The following DPP10 variants were observed in gnomAD, a reference collection of about 807,000 sequenced individuals.
DPP10 encodes dipeptidyl peptidase like 10.
In DPP10, 33 loss-of-function variants were observed where a neutral mutation model predicts 120.9. The ratio of observed to expected loss-of-function variants is 0.27; its 90% CI spans 0.21 to 0.37. DPP10 has a LOEUF of 0.37. Ranked by LOEUF, DPP10 falls within the 10% of genes least tolerant of loss-of-function variation. The probability of loss-of-function intolerance (pLI) is 1.00; values close to 1 mark genes in which losing one functional copy is unlikely to be tolerated. For missense variants in DPP10, 816 were observed against 942.8 expected, an observed-to-expected ratio of 0.87 and a Z score of 1.76; for synonymous variants, 337 against 326.1, an observed-to-expected ratio of 1.03 and a Z score of -0.36.
At chr2:114,831,454 A>G (rs977208503) in intron 1 of DPP10, among the ~76,000 whole-genome samples, 1 of 152,162 alleles carries the variant, frequency 6.6e-6, no homozygotes, top group African/African-American at 2.4e-5. Flanking sequence ...TGGAAAGCAA[A>G]TAACTGTGAT....
At chr2:115,209,857 G>A (rs759666417) in intron 1 of DPP10, among the ~76,000 whole-genome samples, 76 of 152,188 alleles carry the variant, frequency 5.0e-4, no homozygotes, top group South Asian at 1.5e-3. Flanking sequence ...CTATCACAAT[G>A]ATAGTAACAA....
intron 1 of DPP10, among the ~76,000 whole-genome samples, chr2:114,547,550 A>G (rs1179206904): frequency 2.6e-5 from 4 of 152,152 alleles, no homozygotes; most frequent in African/African-American, 4.8e-5. Flanking sequence ...AACTCTAGGA[A>G]TGTTCCTTAG....
intron 1 of DPP10, among the ~76,000 whole-genome samples, chr2:115,105,069 G>T (rs559799025): frequency 6.6e-6 from 1 of 152,004 alleles, no homozygotes; most frequent in South Asian, 2.1e-4. Context: ...TTTCCCCATG[G>T]TTACAAGGAA....
rs1417299144 is a variant in DPP10, at chr2:115,815,738, T to G, written c.1950+9T>G. The G allele has an allele frequency of 1.9e-6, 3 of 1,592,058 alleles. No homozygotes were observed. On this transcript the variant is annotated intron_variant, in intron 21 of 25. Coordinates refer to ENST00000410059, the MANE Select transcript of DPP10 (RefSeq NM_020868.6). ...TAAGCATTTTTGGAAAGGTAAATAGTAGAAATGCTGAATCTATCTTTTTAT... is the reference window on the plus strand; with the variant it reads ...TAAGCATTTTTGGAAAGGTAAATAGGAGAAATGCTGAATCTATCTTTTTAT...
chr2:115,499,536 A>G lies in DPP10; in HGVS notation c.298A>G (p.Asn100Asp). The G allele has an allele frequency of 6.2e-7, 1 of 1,612,016 alleles. No individual in the cohort carries two copies. Among genetic ancestry groups the G allele is most frequent in the South Asian group, 1.1e-5 (1 of 90,966 alleles). The part of the protein sequence containing the change: ...NDTDVVYKSE[N>D]GHVIKLNIET... Reference sequence around the variant, plus strand: ...TACAGATGTGGTGTATAAAAGCGAGAATGGACATGTCATTAAACTGAATAT... The same window carrying G: ...TACAGATGTGGTGTATAAAAGCGAGGATGGACATGTCATTAAACTGAATAT... The change falls in exon 4 of 26, where the codon AAT becomes GAT. Residue 100 changes from asparagine (N) to aspartate (D), a missense_variant. Asn to Asp is a conservative substitution (Grantham distance 23, BLOSUM62 1). This residue lies in a region of DPP10 where 182 missense variants were observed against 207.4 expected (regional missense o/e 0.88). Coordinates refer to ENST00000410059, the MANE Select transcript of DPP10 (RefSeq NM_020868.6).
chr2:114,894,147 T>A (rs1395230467), intron 1 of DPP10, among the ~76,000 whole-genome samples: 1 of 152,166 alleles, frequency 6.6e-6, no homozygotes. Context: ...ATGTGGCAAG[T>A]TTTTCTTGCA....
intron 3 of DPP10, among the ~76,000 whole-genome samples, chr2:115,373,716 A>G (rs146912673): frequency 5.9e-5 from 9 of 152,120 alleles, no homozygotes; most frequent in African/African-American, 2.2e-4. Flanking sequence ...ATCCATTCTC[A>G]TGTTGCTACA....
At chr2:115,259,928 G>A (rs115444807) in intron 1 of DPP10, among the ~76,000 whole-genome samples, 8,362 of 151,612 alleles carry the variant, frequency 0.055, 309 homozygotes, top group Middle Eastern at 0.1. Context: ...TCTAATAGTC[G>A]TTATAGGTCA....
intron 1 of DPP10, among the ~76,000 whole-genome samples, chr2:114,563,116 G>A (rs1156305495): frequency 1.3e-5 from 2 of 152,212 alleles, no homozygotes; most frequent in Admixed American, 6.5e-5. Context: ...GCTCACGCCT[G>A]TAATCCCAGT....
intron 1 of DPP10, among the ~76,000 whole-genome samples, chr2:115,207,655 CAGTG>C (rs2056239090): frequency 6.6e-6 from 1 of 152,108 alleles, no homozygotes; most frequent in African/African-American, 2.4e-5. Flanking sequence ...GAGGGAAACT[CAGTG>C]AGACTAGAGC....
intron 3 of DPP10, among the ~76,000 whole-genome samples, chr2:115,428,182 G>C (rs843398): frequency 0.63 from 95,252 of 152,040 alleles, 30,639 homozygotes; most frequent in Middle Eastern, 0.74. Flanking sequence ...AACTATTTAA[G>C]CAGTCTTTAA....
At chr2:114,533,362 G>A (rs67288639) in intron 1 of DPP10, among the ~76,000 whole-genome samples, 8,391 of 151,888 alleles carry the variant, frequency 0.055, 281 homozygotes, top group South Asian at 0.093. Context: ...TACTATTATC[G>A]TAGAGCTCAT....
intron 9 of DPP10, among the ~76,000 whole-genome samples, chr2:115,741,348 T>C (rs1222023012): frequency 1.3e-4 from 1 of 7,742 alleles, no homozygotes; most frequent in East Asian, 0.016. Context: ...ATGATTTAAC[T>C]TCACAAAAAA....
intron 7 of DPP10, among the ~76,000 whole-genome samples, chr2:115,727,102 G>A (rs2092783658): frequency 6.6e-6 from 1 of 152,228 alleles, no homozygotes; most frequent in African/African-American, 2.4e-5. Context: ...GGCACATTGT[G>A]ACATTGTTTA....
intron 1 of DPP10, among the ~76,000 whole-genome samples, chr2:114,901,486 G>A (rs62167680): frequency 0.099 from 15,130 of 152,136 alleles, 773 homozygotes; most frequent in Middle Eastern, 0.13. Context: ...GTGAGCCACC[G>A]CGCCCGGCCA....
intron 1 of DPP10, chr2:115,144,411 T>A (rs1484355973): frequency 6.6e-6 from 1 of 151,988 alleles, no homozygotes; most frequent in African/African-American, 2.4e-5. Context: ...TCTTTTTACG[T>A]CGAATAGTTA....
chr2:114,923,286 C>A (rs1432766818), intron 1 of DPP10, among the ~76,000 whole-genome samples: 1 of 150,620 alleles, frequency 6.6e-6, no homozygotes, highest in Non-Finnish European at 1.5e-5. Context: ...CAGGTTCAAG[C>A]GATTCTCATG....
At chr2:115,704,250 A>C (rs1294049305) in intron 7 of DPP10, among the ~76,000 whole-genome samples, 1 of 151,898 alleles carries the variant, frequency 6.6e-6, no homozygotes, top group Non-Finnish European at 1.5e-5. Context: ...TTAAAAAAAA[A>C]AAATTTCCTT....
intron 11 of DPP10, among the ~76,000 whole-genome samples, chr2:115,760,269 T>A (rs1429857131): frequency 1.3e-5 from 2 of 152,154 alleles, no homozygotes; most frequent in Non-Finnish European, 2.9e-5. Flanking sequence ...CTCAACAATA[T>A]GAGCGAATCT....
Sources: allele counts gnomAD v4.1 joint callset (sites outside exome capture counted in the v4.1 genomes callset), GRCh38; gene constraint gnomAD v4.1.1; regional missense constraint gnomAD v4.1.1; transcripts MANE v1.5; gene names NCBI Gene and HGNC (gene_info 2026-07-23, HGNC 2026-07-21).